OBSL1: variants seen among roughly 807,000 people sequenced by gnomAD.
OBSL1 encodes the protein obscurin-like protein 1.
In OBSL1, 160 loss-of-function variants were observed where a neutral mutation model predicts 172.0. The ratio of observed to expected loss-of-function variants is 0.93; its 90% CI spans 0.82 to 1.06. The LOEUF is 1.06. Among genes scored for constraint, OBSL1 ranks in the 50% least tolerant of loss-of-function variants. The pLI is 0.00. For synonymous variants in OBSL1, 1,200 were observed against 1,196.3 expected, an observed-to-expected ratio of 1.00 and a Z score of -0.06; for missense variants, 2,681 against 2,715.4, an observed-to-expected ratio of 0.99 and a Z score of 0.28.
Position 219,557,473 on chromosome 2 carries a change from CT to C in OBSL1, c.3935del (p.Gln1312ArgfsTer49). The C allele has an allele frequency of 1.3e-6, 2 of 1,552,344 alleles. No homozygotes were observed. Among genetic ancestry groups the C allele is most frequent in the South Asian group, 2.4e-5 (2 of 84,200 alleles). ...CGGCCTGCTCCAGCTGCACCCGCCCCTGGCTTGCCAGTCGCTCCCCGTCCTT... is the reference window on the plus strand; with the variant it reads ...CGGCCTGCTCCAGCTGCACCCGCCCCGGCTTGCCAGTCGCTCCCCGTCCTT... ...WYKDGERLASQGRVQLEQAGA... is the reference protein window; with the variant it reads ...WYKDGERLASXGRVQLEQAGA... On this transcript the variant is annotated frameshift_variant, in exon 12 of 21. Coordinates refer to ENST00000404537, the MANE Select transcript of OBSL1 (RefSeq NM_015311.3). LOFTEE classifies it high-confidence loss of function.
intron 12 of OBSL1, 170 bp from the exon 13 acceptor site, chr2:219,556,893 G>T: frequency 1.4e-6 from 1 of 700,440 alleles, no homozygotes; most frequent in Non-Finnish European, 2.3e-6. Context: ...CCAGCTCCCT[G>T]CCACTCCTTT....
chr2:219,571,378 C>G lies in OBSL1; in HGVS notation c.-146G>C, dbSNP rs1697345156. 1 of 429,876 alleles carries G rather than the reference C, an allele frequency of 2.3e-6. No individual in the cohort carries two copies. The highest frequency in any genetic ancestry group is 3.7e-6 in the Non-Finnish European group (1 of 268,094). 26.6% of individuals were successfully genotyped at this position (429,876 alleles called of 1,614,324 possible). A position where few individuals can be genotyped will look rare whatever the true frequency, so the allele number is the denominator to read the frequency against. The stretch of plus-strand genomic sequence containing the variant: ...GGAGCTCTCCCGGGCCTCCCGCTCC[C>G]GGCTCGCCTCCTTACCCTCGGCCCC... On this transcript the variant is annotated 5_prime_UTR_variant, in exon 1 of 21. Coordinates refer to ENST00000404537, the MANE Select transcript of OBSL1 (RefSeq NM_015311.3).
At chr2:219,547,924 A>G, downstream of OBSL1, 1 of 1,596,140 alleles carries the variant, frequency 6.3e-7, no homozygotes, top group Non-Finnish European at 8.5e-7. Flanking sequence ...CCGAGCTGCT[A>G]CTGCTGGGGC....
chr2:219,562,451 G>A lies in OBSL1; in HGVS notation c.2904C>T (p.Tyr968=). 6.2e-7 allele frequency: 1 copy of A among 1,614,000 alleles called. No homozygotes were observed. Among genetic ancestry groups the A allele is most frequent in the Non-Finnish European group, 8.5e-7 (1 of 1,179,888 alleles). The part of the protein sequence containing the change: ...PAVQLEDSGE[Y]LCEIDDESAS... ...CCGACTCATCGTCAATTTCACACAAGTACTCGCCGGAGTCCTCGAGCTGGA... is the reference window on the plus strand; with the variant it reads ...CCGACTCATCGTCAATTTCACACAAATACTCGCCGGAGTCCTCGAGCTGGA... Residue 968 remains tyrosine, a synonymous_variant, in exon 8 of 21, where the codon TAC becomes TAT. Transcript: ENST00000404537.
At chr2:219,557,084 C>A (rs1179519119) in intron 12 of OBSL1, 2 of 492,620 alleles carry the variant, frequency 4.1e-6, no homozygotes, top group Non-Finnish European at 7.0e-6. Context: ...TGTCACACAG[C>A]TACTGGGGCA....
In OBSL1 at chr2:219,568,369, C is replaced by A. The variant is rs1049151644; in HGVS notation, c.1013-45G>T. 4 of 1,545,584 alleles carry A rather than the reference C, an allele frequency of 2.6e-6. No individual in the cohort carries two copies. The highest frequency in any genetic ancestry group is 3.5e-6 in the Non-Finnish European group (4 of 1,143,340). On this transcript the variant is annotated intron_variant, in intron 1 of 20. Coordinates refer to ENST00000404537, the MANE Select transcript of OBSL1 (RefSeq NM_015311.3). This position sits in a 1 kb window ranked among gnomAD's most constrained non-coding sequence, Gnocchi z 4.1. ...AGACAAGAGAGGGCTCTGGAGAAGG[C>A]CCAGACTAGGAGTAGGATACCTAGA... is the stretch of plus-strand genomic sequence containing the variant.
intron 12 of OBSL1, 70 bp downstream of exon 12, chr2:219,557,273 G>GT: frequency 7.2e-7 from 1 of 1,393,862 alleles, no homozygotes; most frequent in Non-Finnish European, 9.4e-7. Flanking sequence ...GAGGAGTAAG[G>GT]GGGCCCTAGA....
chr2:219,550,004 C>CCAA, downstream of OBSL1: 1 of 1,105,626 alleles, frequency 9.0e-7, no homozygotes, highest in Non-Finnish European at 1.3e-6. Flanking sequence ...TTGTCTCAGG[C>CCAA]GAGTCTTGGC....
In OBSL1 at chr2:219,559,364, C is replaced by A; in HGVS notation, c.3087G>T (p.Val1029=). The A allele has an allele frequency of 6.2e-7, 1 of 1,614,030 alleles. No individual in the cohort carries two copies. Among genetic ancestry groups the A allele is most frequent in the Non-Finnish European group, 8.5e-7 (1 of 1,179,896 alleles). ...CCAGCACCAGGGCCTCGCTCTCCTC[C>A]ACTTCCAGCCCATCCTTGTACCAGC... The part of the protein sequence containing the change: ...PVRWYKDGLE[V]EESEALVLER... The change falls in exon 9 of 21, where the codon GTG becomes GTT. Residue 1029 remains valine, a synonymous_variant. Transcript: ENST00000404537.
Position 219,556,545 on chromosome 2 carries a change from G to T in OBSL1, c.4245C>A (p.Ile1415=), listed in dbSNP as rs1243650863. 2 of 1,613,872 alleles carry T rather than the reference G, an allele frequency of 1.2e-6. No homozygotes were observed. Among genetic ancestry groups the T allele is most frequent in the Non-Finnish European group, 1.7e-6 (2 of 1,179,900 alleles). ...VEMAQNGSSR[I]LTLRGCQLGD... ...CCAGTTGGCAGCCTCGCAAGGTTAA[G>T]ATGCGGCTTGAACCATTCTGGGCCA... The change falls in exon 13 of 21, where the codon ATC becomes ATA. Residue 1415 remains isoleucine, a synonymous_variant. Coordinates refer to ENST00000404537, the MANE Select transcript of OBSL1 (RefSeq NM_015311.3).
At chr2:219,565,749 C>T (rs1366810133) in intron 5 of OBSL1, among the ~76,000 whole-genome samples, 1 of 152,162 alleles carries the variant, frequency 6.6e-6, no homozygotes, top group Non-Finnish European at 1.5e-5. Context: ...GCATTATAAA[C>T]CAGCCCTCCA....
rs1697264003 is a variant in OBSL1, at chr2:219,570,487, T to C, written c.746A>G (p.Lys249Arg). The C allele has an allele frequency of 1.2e-6, 2 of 1,612,204 alleles. No homozygotes were observed. Among genetic ancestry groups the C allele is most frequent in the Non-Finnish European group, 1.7e-6 (2 of 1,179,404 alleles). ...EAPAPVVEPL[K>R]CAPKTFWVNE... ...CACCCAGAAGGTCTTAGGCGCGCAC[T>C]TGAGCGGCTCCACCACCGGCGCGGG... is the stretch of plus-strand genomic sequence containing the variant. Residue 249 changes from lysine (K) to arginine (R), a missense_variant, in exon 1 of 21, where the codon AAG becomes AGG. Physicochemically the swap from Lys to Arg is conservative, Grantham distance 26. Transcript: ENST00000404537.
At chr2:219,548,331 C>T (rs1404807333), downstream of OBSL1, among the ~76,000 whole-genome samples, 1 of 152,252 alleles carries the variant, frequency 6.6e-6, no homozygotes, top group East Asian at 1.9e-4. Flanking sequence ...AGACAAGGTT[C>T]CTGTCCTTAT....
Position 219,556,450 on chromosome 2 carries a change from T to C in OBSL1, c.4336+4A>G. 3 of 1,613,764 alleles carry C rather than the reference T, an allele frequency of 1.9e-6. No homozygotes were observed. Among genetic ancestry groups the C allele is most frequent in the African/African-American group, 1.3e-5 (1 of 75,034 alleles). On this transcript the variant is annotated splice_donor_region_variant and intron_variant, in intron 13 of 20. Transcript: ENST00000404537. Reference sequence around the variant, plus strand: ...AGAGTATCTCATCCTCATCAGGACCTAACCTCGAACATGGAGCCGGGCACT... The same window carrying C: ...AGAGTATCTCATCCTCATCAGGACCCAACCTCGAACATGGAGCCGGGCACT...
At chr2:219,547,844 C>T (rs568013301), downstream of OBSL1, 79 of 1,586,932 alleles carry the variant, frequency 5.0e-5, no homozygotes, top group Non-Finnish European at 6.0e-5. Flanking sequence ...GCGCTGGCCC[C>T]GCCCACTCAC....
At chr2:219,559,126 G>A (rs1696262583) in intron 9 of OBSL1, 99 bp downstream of exon 9, 1 of 1,174,806 alleles carries the variant, frequency 8.5e-7, no homozygotes, top group Non-Finnish European at 1.2e-6. Flanking sequence ...TGGATAAGGG[G>A]AAGGCTGGGG....
Position 219,550,762 on chromosome 2 carries a change from T to C in OBSL1, c.*73A>G. On this transcript the variant is annotated 3_prime_UTR_variant, in exon 21 of 21. Coordinates refer to ENST00000404537, the MANE Select transcript of OBSL1 (RefSeq NM_015311.3). ...GCACTTTTATTGTTCCTTGTCTCTCTACCCCTGCCCAGGGTAAGGGCAAAC... is the reference window on the plus strand; with the variant it reads ...GCACTTTTATTGTTCCTTGTCTCTCCACCCCTGCCCAGGGTAAGGGCAAAC... 1.9e-6 allele frequency: 3 copies of C among 1,568,446 alleles called. No individual in the cohort carries two copies. The highest frequency in any genetic ancestry group is 2.6e-6 in the Non-Finnish European group (3 of 1,151,986).
chr2:219,553,116 A>G (rs1695755505), intron 16 of OBSL1, 92 bp from the exon 17 acceptor site: 2 of 1,390,528 alleles, frequency 1.4e-6, no homozygotes, highest in African/African-American at 1.5e-5. Context: ...GTTGATGCCA[A>G]GCGGTCTCGA....
At position 219,552,100 on chromosome 2, in the gene OBSL1, C is replaced by G; in HGVS notation, c.5413+12G>C. The G allele has an allele frequency of 3.1e-6, 5 of 1,599,304 alleles. No individual in the cohort carries two copies. Among genetic ancestry groups the G allele is most frequent in the East Asian group, 2.3e-5 (1 of 44,166 alleles). ...ATGTACACTCTCTGTCGCTCCCACC[C>G]CAGGTGCTTACCCTCCACTTCCAGT... On this transcript the variant is annotated intron_variant, in intron 19 of 20. Transcript: ENST00000404537.
Sources: gnomAD v4.1 joint callset for allele counts (sites outside exome capture counted in the v4.1 genomes callset) on GRCh38, gnomAD v4.1.1 for gene constraint, Gnocchi (gnomAD v3.1) non-coding constraint, MANE v1.5 for transcripts, NCBI Gene and HGNC (gene_info 2026-07-23, HGNC 2026-07-21) for gene names.